The following NCAM2 variants were observed in gnomAD, a reference collection of about 807,000 sequenced individuals.
NCAM2 encodes neural cell adhesion molecule 2.
Under a neutral mutation model 98.1 loss-of-function variants are expected in NCAM2, and 30 were observed. That is an observed-to-expected ratio of 0.31 (90% CI 0.23 to 0.41). The LOEUF is 0.41. NCAM2 is among the 10% of genes least tolerant of loss of function. NCAM2 has a pLI of 1.00. For synonymous variants in NCAM2, 368 were observed against 342.4 expected, an observed-to-expected ratio of 1.07 and a Z score of -0.83; for missense variants, 867 against 1,005.8, an observed-to-expected ratio of 0.86 and a Z score of 1.87.
chr21:21,221,622 T>C (rs1409345773), intron 1 of NCAM2, among the ~76,000 whole-genome samples: 2 of 152,192 alleles, frequency 1.3e-5, no homozygotes, highest in East Asian at 1.9e-4. Flanking sequence ...TACCCTAGTA[T>C]TATTCAATTT....
rs189217077 is a variant in NCAM2, at chr21:21,124,951, C to A, written c.55+126333C>A. On this transcript the variant is annotated intron_variant, in intron 1 of 17. Coordinates refer to ENST00000400546, the MANE Select transcript of NCAM2 (RefSeq NM_004540.5). ...GAAATTTTGTAAGCTGATTGTTAAA[C>A]ACAGCCATTACTAAAAATTAAATTA... Among the ~76,000 whole-genome samples, 443 of 152,182 alleles carry A rather than the reference C, an allele frequency of 2.9e-3. 3 individuals carry two copies. Among genetic ancestry groups the A allele is most frequent in the African/African-American group, 0.01 (419 of 41,528 alleles).
chr21:21,335,446 A>G, intron 6 of NCAM2, 59 bp from the exon 7 acceptor site: 1 of 1,420,774 alleles, frequency 7.0e-7, no homozygotes, highest in Non-Finnish European at 9.4e-7. Flanking sequence ...AAAGTTGATT[A>G]AAATCTACTA....
At chr21:21,430,187 C>T (rs560439878) in intron 11 of NCAM2, among the ~76,000 whole-genome samples, 13 of 151,836 alleles carry the variant, frequency 8.6e-5, no homozygotes, top group African/African-American at 2.9e-4. Context: ...CTCCACTACA[C>T]CCGGCTGTTT....
intron 1 of NCAM2, among the ~76,000 whole-genome samples, chr21:21,249,346 A>G (rs955746299): frequency 9.2e-5 from 14 of 152,158 alleles, no homozygotes; most frequent in Non-Finnish European, 2.1e-4. Flanking sequence ...TTCAGCACTG[A>G]AGCTTAATTT....
chr21:21,137,842 AT>A (rs10645764), intron 1 of NCAM2, among the ~76,000 whole-genome samples: 117 of 150,024 alleles, frequency 7.8e-4, no homozygotes, highest in South Asian at 1.5e-3. Context: ...TCGTCACTTC[AT>A]TTTTTTTTTC....
Position 21,335,726 on chromosome 21 carries a change from C to G in NCAM2, c.898+61C>G. The stretch of plus-strand genomic sequence containing the variant: ...TCTATTGGAAGATCAGAGTGAAATT[C>G]TACTCTAATCATTTGAACTATTTAA... On this transcript the variant is annotated intron_variant, in intron 7 of 17. Transcript: ENST00000400546. 1.8e-5 allele frequency: 23 copies of G among 1,272,848 alleles called. No homozygotes were observed. In the South Asian group the frequency reaches 4.6e-4, roughly 26 times the overall value. 78.8% of individuals were successfully genotyped at this position (1,272,848 alleles called of 1,614,324 possible).
chr21:21,421,084 T>C (rs1292950522), intron 11 of NCAM2, among the ~76,000 whole-genome samples: 1 of 151,814 alleles, frequency 6.6e-6, no homozygotes, highest in Non-Finnish European at 1.5e-5. Context: ...TGCCATTTCG[T>C]AAATGATGTG....
chr21:21,152,629 G>T (rs2067480356), intron 1 of NCAM2, among the ~76,000 whole-genome samples: 1 of 151,918 alleles, frequency 6.6e-6, no homozygotes, highest in Non-Finnish European at 1.5e-5. Context: ...AAGTAGCTTA[G>T]TTCTACTTCA....
rs566732200 is a variant in NCAM2 at position 21,532,010 on chromosome 21, TTA to T, written c.2283-2517_2283-2516del. ...TCCGTCTCAAAAAAAAAGAAAAATA[TTA>T]TATATATATCTTACAATGGATAGGA... On this transcript the variant is annotated intron_variant, in intron 16 of 17. Transcript: ENST00000400546. Among the ~76,000 whole-genome samples the T allele has an allele frequency of 1.9e-3, 291 of 151,156 alleles. 1 individual carries two copies. Among genetic ancestry groups the T allele is most frequent in the African/African-American group, 6.9e-3 (284 of 41,252 alleles).
intron 1 of NCAM2, among the ~76,000 whole-genome samples, chr21:21,187,969 T>C (rs2146948961): frequency 6.6e-6 from 1 of 152,340 alleles, no homozygotes; most frequent in East Asian, 1.9e-4. Context: ...TGATTCTCAC[T>C]GTGTTAACAC....
chr21:21,508,089 C>G (rs543781430), intron 15 of NCAM2, among the ~76,000 whole-genome samples: 1 of 152,250 alleles, frequency 6.6e-6, no homozygotes, highest in Non-Finnish European at 1.5e-5. Context: ...TCACCTCTTT[C>G]ATGGTTACTT....
intron 12 of NCAM2, among the ~76,000 whole-genome samples, chr21:21,454,446 G>T (rs1175422429): frequency 6.6e-6 from 1 of 151,948 alleles, no homozygotes; most frequent in African/African-American, 2.4e-5. Flanking sequence ...ATTTTAAGGT[G>T]TTAACATCCC....
intron 1 of NCAM2, among the ~76,000 whole-genome samples, chr21:21,123,484 C>T (rs1206311734): frequency 2.6e-5 from 4 of 151,934 alleles, no homozygotes; most frequent in Non-Finnish European, 5.9e-5. Flanking sequence ...CTGTTAATAC[C>T]CATTCGATAT....
intron 8 of NCAM2, among the ~76,000 whole-genome samples, chr21:21,352,196 G>T (rs2075361090): frequency 6.6e-6 from 1 of 152,130 alleles, no homozygotes; most frequent in Non-Finnish European, 1.5e-5. Context: ...CTCCTGAGTA[G>T]CAGGACTACA....
intron 1 of NCAM2, among the ~76,000 whole-genome samples, chr21:21,009,918 T>TGTG (rs1568923305): frequency 6.6e-6 from 1 of 151,204 alleles, no homozygotes; most frequent in Non-Finnish European, 1.5e-5. Flanking sequence ...TGTGTGTGTG[T>TGTG]TTTAATGATT....
intron 1 of NCAM2, among the ~76,000 whole-genome samples, chr21:21,182,687 C>T (rs775158530): frequency 4.6e-5 from 7 of 152,216 alleles, no homozygotes; most frequent in Non-Finnish European, 8.8e-5. Context: ...TTTAGCTCTT[C>T]AATTTAGAAT....
intron 1 of NCAM2, among the ~76,000 whole-genome samples, chr21:21,009,178 C>T (rs907037964): frequency 5.3e-5 from 8 of 151,986 alleles, no homozygotes; most frequent in Non-Finnish European, 7.4e-5. Flanking sequence ...AAATATTACC[C>T]GGCAGAAGCC....
At chr21:21,133,738 T>C (rs1342482627) in intron 1 of NCAM2, among the ~76,000 whole-genome samples, 2 of 152,198 alleles carry the variant, frequency 1.3e-5, no homozygotes, top group South Asian at 4.1e-4. Flanking sequence ...TGCACAGTTG[T>C]TGCTGCCTCG....
chr21:21,281,986 A>G (rs1454096100), intron 2 of NCAM2, among the ~76,000 whole-genome samples: 1 of 151,874 alleles, frequency 6.6e-6, no homozygotes. Context: ...ATGATTCTTT[A>G]TACATTTTCC....
Sources: allele counts gnomAD v4.1 joint callset (sites outside exome capture counted in the v4.1 genomes callset), GRCh38; gene constraint gnomAD v4.1.1; transcripts MANE v1.5; gene names NCBI Gene and HGNC (gene_info 2026-07-23, HGNC 2026-07-21).